SH3YL1: variants seen among roughly 807,000 people sequenced by gnomAD.
The protein encoded by SH3YL1 is SH3 and SYLF domain containing 1, also known as SH3 domain-containing YSC84-like protein 1.
In SH3YL1, 41 loss-of-function variants were observed where a neutral mutation model predicts 45.8. The ratio of observed to expected loss-of-function variants is 0.89; its 90% CI spans 0.70 to 1.16. The LOEUF (loss-of-function observed/expected upper bound fraction) is 1.16, where lower values mean the gene tolerates loss of function less well. Among genes scored for constraint, SH3YL1 ranks in the 50% most tolerant of loss-of-function variants. The pLI, the probability that SH3YL1 is intolerant of heterozygous loss-of-function variation, is 0.00. For missense variants in SH3YL1, 389 were observed against 409.6 expected, an observed-to-expected ratio of 0.95 and a Z score of 0.43; for synonymous variants, 152 against 151.4, an observed-to-expected ratio of 1.00 and a Z score of -0.03.
chr2:249,652 G>A (rs570937592), intron 3 of SH3YL1, 79 bp downstream of exon 3: 60 of 1,033,284 alleles, frequency 5.8e-5, no homozygotes, highest in Non-Finnish European at 8.0e-5. Context: ...TGTCCTACTC[G>A]CTATGCAATG....
chr2:252,209 G>C (rs1038256960), intron 2 of SH3YL1, among the ~76,000 whole-genome samples: 1 of 152,190 alleles, frequency 6.6e-6, no homozygotes, highest in Non-Finnish European at 1.5e-5. Context: ...TTATGGTCTA[G>C]GGGATACTGA....
chr2:220,980 AATG>A (rs748860566), intron 9 of SH3YL1, among the ~76,000 whole-genome samples: 1 of 152,184 alleles, frequency 6.6e-6, no homozygotes, highest in African/African-American at 2.4e-5. Flanking sequence ...GGACGACAAC[AATG>A]ATAACAGCAA....
At chr2:257,760 T>G (rs1374735574) in intron 1 of SH3YL1, among the ~76,000 whole-genome samples, 1 of 152,244 alleles carries the variant, frequency 6.6e-6, no homozygotes, top group Non-Finnish European at 1.5e-5. Context: ...ATTAAACTCC[T>G]TAAAATTTAA....
chr2:248,596 G>A (rs952747638), intron 3 of SH3YL1, among the ~76,000 whole-genome samples: 2 of 152,168 alleles, frequency 1.3e-5, no homozygotes, highest in African/African-American at 4.8e-5. Flanking sequence ...CAGTAGAAAG[G>A]TTTGCTGGGG....
intron 4 of SH3YL1, among the ~76,000 whole-genome samples, chr2:236,588 T>G (rs1668311720): frequency 6.6e-6 from 1 of 152,200 alleles, no homozygotes; most frequent in Admixed American, 6.5e-5. Flanking sequence ...AAGCTGCAAT[T>G]TCCTTCTCTG....
At chr2:253,305 A>G (rs920785200) in intron 1 of SH3YL1, among the ~76,000 whole-genome samples, 190 bp from the exon 2 acceptor site, 4 of 152,146 alleles carry the variant, frequency 2.6e-5, no homozygotes, top group African/African-American at 7.2e-5. Flanking sequence ...TAGGCATTCC[A>G]AGTCACAGGA....
At chr2:232,343 G>C (rs9808365) in intron 6 of SH3YL1, among the ~76,000 whole-genome samples, 41,673 of 151,622 alleles carry the variant, frequency 0.27, 6,781 homozygotes, top group East Asian at 0.53. Flanking sequence ...AAGGAATACT[G>C]ACTGACACAT....
At chr2:258,561 T>C (rs1572182613) in intron 1 of SH3YL1, among the ~76,000 whole-genome samples, 3 of 152,238 alleles carry the variant, frequency 2.0e-5, no homozygotes, top group East Asian at 3.8e-4. Flanking sequence ...CTAGATTTCA[T>C]TGCTTCCCTT....
chr2:254,113 T>C (rs371164142), intron 1 of SH3YL1, among the ~76,000 whole-genome samples: 1 of 152,060 alleles, frequency 6.6e-6, no homozygotes, highest in Non-Finnish European at 1.5e-5. Context: ...ATCTATAATA[T>C]ATAGTATAAA....
chr2:224,866 ACT>A lies in SH3YL1; in HGVS notation c.834_835del (p.Arg278SerfsTer17). ...AACATATAGATTTACTGATTTACCA[ACT>A]CTCTCATGATAGCTGGAAAGTCCAG... On this transcript the variant is annotated frameshift_variant, in exon 9 of 10. Transcript: ENST00000356150. LOFTEE classifies it high-confidence loss of function. The A allele has an allele frequency of 1.2e-6, 2 of 1,601,290 alleles. No individual in the cohort carries two copies. The highest frequency in any genetic ancestry group is 1.7e-6 in the Non-Finnish European group (2 of 1,168,504).
At position 219,003 on chromosome 2, in the gene SH3YL1, T is replaced by G; in HGVS notation, c.839-2A>C. The G allele has an allele frequency of 2.5e-6, 4 of 1,599,850 alleles. No homozygotes were observed. The highest frequency in any genetic ancestry group is 3.4e-6 in the Non-Finnish European group (4 of 1,173,856). On this transcript the variant is annotated splice_acceptor_variant, in intron 9 of 9. Transcript: ENST00000356150. LOFTEE classifies it high-confidence loss of function. Reference sequence around the variant, plus strand: ...CTTCTATGGGTTGATTCAAATTGCCTGAAACAAGAAAAAAGTATTCACGTT... The same window carrying G: ...CTTCTATGGGTTGATTCAAATTGCCGGAAACAAGAAAAAAGTATTCACGTT...
chr2:224,064 A>T (rs1344254147), intron 9 of SH3YL1, among the ~76,000 whole-genome samples: 2 of 152,224 alleles, frequency 1.3e-5, no homozygotes, highest in Non-Finnish European at 2.9e-5. Context: ...ATTTACATGA[A>T]ATGTTTAATT....
chr2:245,757 T>C (rs1444687730), intron 4 of SH3YL1, among the ~76,000 whole-genome samples: 1 of 152,108 alleles, frequency 6.6e-6, no homozygotes, highest in East Asian at 1.9e-4. Context: ...AGTCACCCCA[T>C]GGCCCAGGAT....
At chr2:228,563 T>C (rs1393061272) in intron 8 of SH3YL1, among the ~76,000 whole-genome samples, 1 of 152,192 alleles carries the variant, frequency 6.6e-6, no homozygotes, top group Admixed American at 6.5e-5. Context: ...TTTTAAAACA[T>C]ACATATGGGT....
At chr2:247,742 T>A in intron 3 of SH3YL1, 140 bp from the exon 4 acceptor site, 5 of 629,916 alleles carry the variant, frequency 7.9e-6, no homozygotes, top group Admixed American at 3.3e-5. Context: ...TTTAAAGTGA[T>A]CTTCAAAAAG....
In SH3YL1 at chr2:224,517, A is replaced by G. The variant is rs117758466; in HGVS notation, c.838+347T>C. On this transcript the variant is annotated intron_variant, in intron 9 of 9. Coordinates refer to ENST00000356150, the MANE Select transcript of SH3YL1 (RefSeq NM_015677.4). Reference sequence around the variant, plus strand: ...GATCACATGCTCCTCAGATGATGCCATGGCTCCCGGGGCTCAGCAGCCCTG... The same window carrying G: ...GATCACATGCTCCTCAGATGATGCCGTGGCTCCCGGGGCTCAGCAGCCCTG... Among the ~76,000 whole-genome samples, 199 of 152,296 alleles carry G rather than the reference A, an allele frequency of 1.3e-3. 3 individuals carry two copies. In the East Asian group the frequency reaches 0.033, roughly 25 times the overall value.
chr2:218,783 A>G lies in SH3YL1; in HGVS notation c.*28T>C. The G allele has an allele frequency of 6.6e-7, 1 of 1,510,932 alleles. No homozygotes were observed. The highest frequency in any genetic ancestry group is 8.9e-7 in the Non-Finnish European group (1 of 1,123,174). 93.6% of individuals were successfully genotyped at this position (1,510,932 alleles called of 1,614,324 possible). A position where few individuals can be genotyped will look rare whatever the true frequency, so the allele number is the denominator to read the frequency against. Reference sequence around the variant, plus strand: ...TCAGTGTAGAAATAATTTTTTTGTAATTCTCAAAGAAGAAAATAGTATACG... The same window carrying G: ...TCAGTGTAGAAATAATTTTTTTGTAGTTCTCAAAGAAGAAAATAGTATACG... On this transcript the variant is annotated 3_prime_UTR_variant, in exon 10 of 10. Transcript: ENST00000356150.
At chr2:219,926 C>T (rs867687593) in intron 9 of SH3YL1, among the ~76,000 whole-genome samples, 6 of 151,998 alleles carry the variant, frequency 3.9e-5, no homozygotes, top group African/African-American at 1.5e-4. Context: ...TACTTCAATG[C>T]AATGTGTATA....
chr2:244,429 G>A (rs1668692960), intron 4 of SH3YL1, among the ~76,000 whole-genome samples: 2 of 151,976 alleles, frequency 1.3e-5, no homozygotes, highest in Non-Finnish European at 2.9e-5. Context: ...CCAGGAGGCA[G>A]AGGTTGCAGT....
Sources: gnomAD v4.1 joint callset for allele counts (sites outside exome capture counted in the v4.1 genomes callset) on GRCh38, gnomAD v4.1.1 for gene constraint, MANE v1.5 for transcripts, NCBI Gene and HGNC (gene_info 2026-07-23, HGNC 2026-07-21) for gene names.